The following APBB2 variants were observed in gnomAD, a reference collection of about 807,000 sequenced individuals.
APBB2 encodes Fe65-like 1.
APBB2 carries 38 observed loss-of-function variants against 82.5 expected under a neutral mutation model. The observed-to-expected ratio is 0.46, with a 90% confidence interval of 0.36 to 0.60. The LOEUF (loss-of-function observed/expected upper bound fraction) is 0.60, where lower values mean the gene tolerates loss of function less well. Ranked by LOEUF, APBB2 falls within the 20% of genes least tolerant of loss-of-function variation. The pLI is 0.00. For synonymous variants in APBB2, 341 were observed against 368.2 expected, an observed-to-expected ratio of 0.93 and a Z score of 0.85; for missense variants, 772 against 972.3, an observed-to-expected ratio of 0.79 and a Z score of 2.74.
chr4:41,051,050 TAC>T (rs751764498), intron 4 of APBB2, among the ~76,000 whole-genome samples: 32 of 152,078 alleles, frequency 2.1e-4, no homozygotes, highest in Non-Finnish European at 2.2e-4. Context: ...TATCTCCAGC[TAC>T]AGTCTCCTGC....
At chr4:41,155,318 G>C (rs889078296) in intron 1 of APBB2, among the ~76,000 whole-genome samples, 4 of 152,142 alleles carry the variant, frequency 2.6e-5, no homozygotes, top group African/African-American at 7.2e-5. Flanking sequence ...TTTTGATTCA[G>C]AGAGAAACAG....
Position 41,091,158 on chromosome 4 carries a change from G to A in APBB2, c.-149+9481C>T, listed in dbSNP as rs150178572. ...CTTTGGTATTTTATTTCCCATCACT[G>A]AGCCAACCAATCAGAGTTGTACTAG... is the stretch of plus-strand genomic sequence containing the variant. On this transcript the variant is annotated intron_variant, in intron 3 of 17. Coordinates refer to ENST00000508593, the MANE Select transcript of APBB2 (RefSeq NM_004307.2). Among the ~76,000 whole-genome samples the A allele has an allele frequency of 5.9e-3, 897 of 152,190 alleles. 9 individuals carry two copies. Among genetic ancestry groups the A allele is most frequent in the African/African-American group, 0.019 (785 of 41,528 alleles).
At position 40,810,875 on chromosome 4, in the gene APBB2, C is replaced by T. The variant is rs919418923; in HGVS notation, c.*5217G>A. On this transcript the variant is annotated 3_prime_UTR_variant, in exon 18 of 18. Coordinates refer to ENST00000508593, the MANE Select transcript of APBB2 (RefSeq NM_004307.2). ...GTGCAGCTTAATTTAACATATTGTT[C>T]AGTAAAGAATCCCATTGTGTATCAT... The T allele has an allele frequency of 3.9e-5, 6 of 152,158 alleles. No individual in the cohort carries two copies. Among genetic ancestry groups the T allele is most frequent in the Non-Finnish European group, 8.8e-5 (6 of 68,042 alleles). The allele number at this position is 152,158 out of a possible 1,614,324, so 9.4% of individuals were successfully genotyped here. A position where few individuals can be genotyped will look rare whatever the true frequency, so the allele number is the denominator to read the frequency against.
chr4:41,038,480 A>C (rs1720118001), intron 4 of APBB2, among the ~76,000 whole-genome samples: 1 of 152,158 alleles, frequency 6.6e-6, no homozygotes, highest in Non-Finnish European at 1.5e-5. Context: ...CCTGACAGCC[A>C]GTCTAATTCC....
chr4:41,173,833 G>A (rs1031944509), intron 1 of APBB2, among the ~76,000 whole-genome samples: 2 of 151,920 alleles, frequency 1.3e-5, no homozygotes, highest in African/African-American at 4.8e-5. Flanking sequence ...CTATGAAATC[G>A]CCTAACATGT....
At chr4:41,149,400 A>T (rs1761628105) in intron 1 of APBB2, among the ~76,000 whole-genome samples, 1 of 152,044 alleles carries the variant, frequency 6.6e-6, no homozygotes, top group Non-Finnish European at 1.5e-5. Context: ...AAGTCCTGAG[A>T]ACTAAGCTAT....
At chr4:40,975,790 A>ACACACACACACACAC (rs1553889948) in intron 6 of APBB2, among the ~76,000 whole-genome samples, 2 of 139,730 alleles carry the variant, frequency 1.4e-5, no homozygotes, top group Non-Finnish European at 3.1e-5. Context: ...ACACACACAC[A>ACACACACACACACAC]ACAACCACTC....
chr4:40,829,259 C>T (rs1228469050), intron 13 of APBB2, among the ~76,000 whole-genome samples: 2 of 152,138 alleles, frequency 1.3e-5, no homozygotes, highest in Non-Finnish European at 2.9e-5. Context: ...CTGCTCTCTG[C>T]TCACTTTTGG....
intron 12 of APBB2, among the ~76,000 whole-genome samples, chr4:40,856,353 G>A (rs1761179049): frequency 6.6e-6 from 1 of 152,192 alleles, no homozygotes; most frequent in African/African-American, 2.4e-5. Context: ...CTAATAGAGT[G>A]TTGTAAGCAA....
At chr4:40,975,792 C>CA (rs1437358527) in intron 6 of APBB2, among the ~76,000 whole-genome samples, 11 of 87,094 alleles carry the variant, frequency 1.3e-4, no homozygotes, top group East Asian at 2.9e-4. Context: ...ACACACACAA[C>CA]AACCACTCTA....
chr4:41,194,418 C>T, intron 1 of APBB2, among the ~76,000 whole-genome samples: 1 of 152,214 alleles, frequency 6.6e-6, no homozygotes, highest in East Asian at 1.9e-4. Context: ...CACAGTGGCT[C>T]ATGCCTGTAA....
At chr4:41,159,949 GAGAAGGAGAAGGAGAAGAAGAAGAAGA>G (rs1764516346) in intron 1 of APBB2, among the ~76,000 whole-genome samples, 1 of 59,036 alleles carries the variant, frequency 1.7e-5, no homozygotes, top group Non-Finnish European at 3.2e-5. Flanking sequence ...GGAGGAGAAG[GAGAAGGAGAAGGAGAAGAAGAAGAAGA>G]AGAAGAAGAA....
At chr4:41,135,844 T>C (rs1757408908) in intron 2 of APBB2, among the ~76,000 whole-genome samples, 1 of 152,216 alleles carries the variant, frequency 6.6e-6, no homozygotes, top group South Asian at 2.1e-4. Flanking sequence ...CACTCTTTTC[T>C]TTTCTAGACA....
chr4:41,180,723 G>A (rs1771103345), intron 1 of APBB2, among the ~76,000 whole-genome samples: 1 of 152,116 alleles, frequency 6.6e-6, no homozygotes, highest in Non-Finnish European at 1.5e-5. Context: ...GGACCAGAAT[G>A]ACCTCCCACC....
rs368424451 is a variant in APBB2, at chr4:40,975,753, A to AACACACACACACACACAC, written c.836-30698_836-30681dup. Among the ~76,000 whole-genome samples, 245 of 142,080 alleles carry AACACACACACACACACAC rather than the reference A, an allele frequency of 1.7e-3. 2 individuals carry two copies. The highest frequency in any genetic ancestry group is 7.1e-3 in the Middle Eastern group (2 of 280). 93.2% of individuals were successfully genotyped at this position (142,080 alleles called of 152,430 possible). A position where few individuals can be genotyped will look rare whatever the true frequency, so the allele number is the denominator to read the frequency against. Reference sequence around the variant, plus strand: ...ATAAAGAATTTAAATGTAGTAAGAAAACACACACACACACACACACACACA... The same window carrying AACACACACACACACACAC: ...ATAAAGAATTTAAATGTAGTAAGAAAACACACACACACACACACACACACACACACACACACACACACA... On this transcript the variant is annotated intron_variant, in intron 6 of 17. Coordinates refer to ENST00000508593, the MANE Select transcript of APBB2 (RefSeq NM_004307.2).
chr4:40,877,130 G>A (rs1767122155), intron 12 of APBB2, among the ~76,000 whole-genome samples: 1 of 152,266 alleles, frequency 6.6e-6, no homozygotes, highest in Non-Finnish European at 1.5e-5. Flanking sequence ...CGAAATGAGT[G>A]AATGTATGAA....
intron 2 of APBB2, among the ~76,000 whole-genome samples, chr4:41,129,513 A>G (rs557016318): frequency 6.6e-6 from 1 of 152,228 alleles, no homozygotes; most frequent in African/African-American, 2.4e-5. Context: ...TTGTTTGCAC[A>G]GAAGTTTGGA....
At chr4:40,851,738 ATTTTTT>A (rs869027470) in intron 12 of APBB2, among the ~76,000 whole-genome samples, 29 of 67,738 alleles carry the variant, frequency 4.3e-4, no homozygotes, top group African/African-American at 1.1e-3. Flanking sequence ...ATATATATAT[ATTTTTT>A]TTTTTTTTTT....
intron 12 of APBB2, among the ~76,000 whole-genome samples, chr4:40,875,668 G>A (rs193211417): frequency 2.0e-5 from 3 of 152,248 alleles, no homozygotes; most frequent in East Asian, 1.9e-4. Context: ...GGCCATCACC[G>A]AAATGAACAG....
Sources: allele counts gnomAD v4.1 joint callset (sites outside exome capture counted in the v4.1 genomes callset), GRCh38; gene constraint gnomAD v4.1.1; transcripts MANE v1.5; gene names NCBI Gene and HGNC (gene_info 2026-07-23, HGNC 2026-07-21).